The following VWA5B1 variants were observed in gnomAD, a reference collection of about 807,000 sequenced individuals.
VWA5B1 encodes the protein von Willebrand factor A domain containing 5B1.
VWA5B1 carries 115 observed loss-of-function variants against 118.2 expected under a neutral mutation model. The observed-to-expected ratio is 0.97, with a 90% CI of 0.84 to 1.14. VWA5B1 has a LOEUF of 1.14. Ranked by LOEUF, VWA5B1 falls within the 50% of genes most tolerant of loss-of-function variation. VWA5B1 has a pLI of 0.00. For missense variants in VWA5B1, 1,596 were observed against 1,603.8 expected, an observed-to-expected ratio of 1.00 and a Z score of 0.08; for synonymous variants, 682 against 658.4, an observed-to-expected ratio of 1.04 and a Z score of -0.55.
chr1:20,306,370 G>A (rs1221904718), intron 1 of VWA5B1, among the ~76,000 whole-genome samples: 1 of 152,148 alleles, frequency 6.6e-6, no homozygotes, highest in Admixed American at 6.5e-5. Context: ...CCATCAGGGA[G>A]TTTGAGCCAT....
chr1:20,331,467 A>G lies in VWA5B1; in HGVS notation c.1572+484A>G, dbSNP rs562500680. Among the ~76,000 whole-genome samples the G allele has an allele frequency of 7.2e-5, 11 of 152,304 alleles. 1 individual carries two copies. In the South Asian group the frequency reaches 2.1e-3, roughly 29 times the overall value. ...GACAGGGCTGGGATTAAGAGTGAAGATGTTTATTGGGGATAGTGTCTATGA... is the reference window on the plus strand; with the variant it reads ...GACAGGGCTGGGATTAAGAGTGAAGGTGTTTATTGGGGATAGTGTCTATGA... On this transcript the variant is annotated intron_variant, in intron 11 of 21. Coordinates refer to ENST00000289815, the MANE Select transcript of VWA5B1 (RefSeq NM_001039500.3).
At chr1:20,313,605 G>A (rs1328160693) in intron 3 of VWA5B1, among the ~76,000 whole-genome samples, 1 of 152,240 alleles carries the variant, frequency 6.6e-6, no homozygotes, top group African/African-American at 2.4e-5. Flanking sequence ...CATGTTAGTG[G>A]AAGAGCCAGG....
At chr1:20,332,120 G>A (rs1001877243) in intron 11 of VWA5B1, among the ~76,000 whole-genome samples, 3 of 152,168 alleles carry the variant, frequency 2.0e-5, no homozygotes, top group African/African-American at 7.2e-5. Flanking sequence ...ATGGTTTGGC[G>A]CAAACCTGTG....
intron 17 of VWA5B1, among the ~76,000 whole-genome samples, chr1:20,346,380 C>G (rs1446439642): frequency 6.6e-6 from 1 of 152,204 alleles, no homozygotes; most frequent in Non-Finnish European, 1.5e-5. Context: ...CATTTTCTTC[C>G]ACTCCTTTCT....
chr1:20,291,430 T>C (rs1268734477), intron 1 of VWA5B1, among the ~76,000 whole-genome samples: 1 of 147,256 alleles, frequency 6.8e-6, no homozygotes, highest in African/African-American at 2.5e-5. Context: ...CTTCTCCTGC[T>C]CCCTCTTCTC....
intron 17 of VWA5B1, among the ~76,000 whole-genome samples, chr1:20,346,511 T>C (rs892952611): frequency 3.9e-5 from 6 of 152,250 alleles, no homozygotes; most frequent in African/African-American, 7.2e-5. Flanking sequence ...GGTTATCTCC[T>C]CAGGGTTAAT....
intron 9 of VWA5B1, 71 bp from the exon 10 acceptor site, chr1:20,330,109 G>T: frequency 6.6e-7 from 1 of 1,506,688 alleles, no homozygotes; most frequent in Non-Finnish European, 9.0e-7. Context: ...GGGAAACAAA[G>T]TCCTCTTCCT....
chr1:20,350,394 A>G (rs566363206), intron 19 of VWA5B1, among the ~76,000 whole-genome samples, 164 bp downstream of exon 19: 13 of 152,278 alleles, frequency 8.5e-5, no homozygotes, highest in Admixed American at 5.9e-4. Context: ...AAGATGAGGA[A>G]CAGGTGCAAA....
chr1:20,335,661 A>T (rs1161801365), intron 12 of VWA5B1, among the ~76,000 whole-genome samples: 2 of 152,260 alleles, frequency 1.3e-5, no homozygotes, highest in Non-Finnish European at 2.9e-5. Flanking sequence ...CTTACAATAA[A>T]GTACGCTAGA....
intron 1 of VWA5B1, 79 bp from the exon 2 acceptor site, chr1:20,310,497 G>A: frequency 7.6e-7 from 1 of 1,323,432 alleles, no homozygotes; most frequent in Non-Finnish European, 1.0e-6. Context: ...ATTGCTTGAG[G>A]GTGTCTGAAA....
chr1:20,353,184 G>C (rs75507606), intron 21 of VWA5B1, among the ~76,000 whole-genome samples: 11,924 of 152,222 alleles, frequency 0.078, 907 homozygotes, highest in African/African-American at 0.2. Context: ...GAGTTGGAGA[G>C]GGTAAGAGTC....
chr1:20,343,966 T>A (rs189252461), intron 16 of VWA5B1, among the ~76,000 whole-genome samples: 103 of 105,740 alleles, frequency 9.7e-4, no homozygotes, highest in Non-Finnish European at 1.4e-3. Context: ...GCCCCCTTCA[T>A]CTCCCCACAG....
chr1:20,297,059 A>T (rs2088418859), intron 1 of VWA5B1, among the ~76,000 whole-genome samples: 1 of 152,232 alleles, frequency 6.6e-6, no homozygotes, highest in African/African-American at 2.4e-5. Context: ...CACTGGGAAT[A>T]CAATTGTTGA....
chr1:20,299,678 A>G (rs1003989667), intron 1 of VWA5B1, among the ~76,000 whole-genome samples: 1 of 152,228 alleles, frequency 6.6e-6, no homozygotes, highest in African/African-American at 2.4e-5. Flanking sequence ...TGCTGGGATT[A>G]CAGGCGTGAG....
In VWA5B1 at chr1:20,350,247, C is replaced by A. The variant is rs1039121488; in HGVS notation, c.2953+17C>A. ...CTTCTGAAGGTGAGTGGGCAGGTGG[C>A]GCTGCCTCTTCATCAAGATGGTGAC... On this transcript the variant is annotated intron_variant, in intron 19 of 21. Transcript: ENST00000289815. 1 of 1,550,468 alleles carries A rather than the reference C, an allele frequency of 6.4e-7. No homozygotes were observed. The highest frequency in any genetic ancestry group is 8.7e-7 in the Non-Finnish European group (1 of 1,146,778).
intron 1 of VWA5B1, among the ~76,000 whole-genome samples, chr1:20,308,890 G>A (rs989725057): frequency 6.6e-6 from 1 of 152,162 alleles, no homozygotes; most frequent in Non-Finnish European, 1.5e-5. Flanking sequence ...TCACTGAACA[G>A]CCTTGCAAAT....
chr1:20,325,434 C>T (rs2089348737), intron 8 of VWA5B1, among the ~76,000 whole-genome samples: 1 of 152,214 alleles, frequency 6.6e-6, no homozygotes, highest in African/African-American at 2.4e-5. Context: ...CTCCGCTCCC[C>T]TCCCTCTCCC....
intron 1 of VWA5B1, among the ~76,000 whole-genome samples, chr1:20,309,361 C>A (rs1399314715): frequency 1.3e-5 from 2 of 152,198 alleles, no homozygotes; most frequent in Non-Finnish European, 1.5e-5. Context: ...GGGGGGATGA[C>A]AGAGGATGCT....
chr1:20,342,639 T>G, intron 15 of VWA5B1, 30 bp downstream of exon 15: 1 of 1,447,250 alleles, frequency 6.9e-7, no homozygotes, highest in South Asian at 1.5e-5. Flanking sequence ...AGGACCCAAC[T>G]GGGGACAGGG....
Sources: allele counts gnomAD v4.1 joint callset (sites outside exome capture counted in the v4.1 genomes callset), GRCh38; gene constraint gnomAD v4.1.1; transcripts MANE v1.5; gene names NCBI Gene and HGNC (gene_info 2026-07-23, HGNC 2026-07-21).